The following KLF7 variants were observed in gnomAD, a reference collection of about 807,000 sequenced individuals.
KLF7 encodes Krueppel-like factor 7.
KLF7 carries 2 observed loss-of-function variants against 27.3 expected under a neutral mutation model. The ratio of observed to expected loss-of-function variants is 0.07; its 90% CI spans 0.03 to 0.23. KLF7 has a LOEUF of 0.23. KLF7 is among the 10% of genes least tolerant of loss of function. KLF7 has a pLI of 1.00. For synonymous variants in KLF7, 165 were observed against 162.4 expected, an observed-to-expected ratio of 1.02 and a Z score of -0.12; for missense variants, 221 against 394.1, an observed-to-expected ratio of 0.56 and a Z score of 3.72.
In KLF7 at chr2:207,153,295, A is replaced by C. The variant is rs189866254; in HGVS notation, c.102+12172T>G. ...TTAAGAACAAATTAAATTATCATCT[A>C]GTTAAACACAAAGCTAGTGAGAACT... On this transcript the variant is annotated intron_variant, in intron 1 of 3. Transcript: ENST00000309446. Among the ~76,000 whole-genome samples, 22 of 152,352 alleles carry C rather than the reference A, an allele frequency of 1.4e-4. 1 individual carries two copies. Among genetic ancestry groups the C allele is most frequent in the Admixed American group, 5.2e-4 (8 of 15,304 alleles).
intron 1 of KLF7, among the ~76,000 whole-genome samples, chr2:207,158,691 A>G (rs2106133037): frequency 6.6e-6 from 1 of 152,352 alleles, no homozygotes; most frequent in South Asian, 2.1e-4. Flanking sequence ...TTTAGCACAC[A>G]TTAAAAGTGG....
intron 2 of KLF7, among the ~76,000 whole-genome samples, chr2:207,117,240 A>C (rs2077211357): frequency 6.6e-6 from 1 of 152,252 alleles, no homozygotes; most frequent in African/African-American, 2.4e-5. Context: ...ATATGTTTAC[A>C]TTAATTTATC....
chr2:207,166,890 G>C, upstream of KLF7: 1 of 1,073,538 alleles, frequency 9.3e-7, no homozygotes. Flanking sequence ...GCGAGACCGC[G>C]GCCTGCGCCC....
Position 207,124,304 on chromosome 2 carries a change from G to A in KLF7, c.203C>T (p.Pro68Leu). ...GCGACGGAAGCTTTCCTCAATGCAC[G>A]GGGGAGGGGAAGCGTGGAGGAAACA... Reference protein sequence around the residue: ...LDCFLHASPPPCIEESFRRLD... With the variant: ...LDCFLHASPPLCIEESFRRLD... The change falls in exon 2 of 4, where the codon CCG becomes CTG. Residue 68 changes from proline (P) to leucine (L), a missense_variant. Coordinates refer to ENST00000309446, the MANE Select transcript of KLF7 (RefSeq NM_003709.4). The A allele has an allele frequency of 5.6e-6, 9 of 1,613,546 alleles. No homozygotes were observed. The highest frequency in any genetic ancestry group is 1.3e-5 in the African/African-American group (1 of 74,994).
At position 207,165,596 on chromosome 2, in the gene KLF7, C is replaced by A. The variant is rs760976128; in HGVS notation, c.-28G>T. ...TGCTGCTGCCGGGCAAAACGGGAGG[C>A]GAAACCCTCCCCCGAACACAGTTGG... On this transcript the variant is annotated 5_prime_UTR_variant, in exon 1 of 4. Coordinates refer to ENST00000309446, the MANE Select transcript of KLF7 (RefSeq NM_003709.4). 7 of 1,612,168 alleles carry A rather than the reference C, an allele frequency of 4.3e-6. No individual in the cohort carries two copies. In the South Asian group the frequency reaches 7.7e-5, roughly 18 times the overall value.
intron 3 of KLF7, among the ~76,000 whole-genome samples, chr2:207,086,733 A>G (rs2076397966): frequency 6.6e-6 from 1 of 152,248 alleles, no homozygotes; most frequent in Non-Finnish European, 1.5e-5. Flanking sequence ...AGAGTGGAAT[A>G]CTAACTTTGG....
At chr2:207,138,985 C>T (rs954157003) in intron 1 of KLF7, among the ~76,000 whole-genome samples, 2 of 152,274 alleles carry the variant, frequency 1.3e-5, no homozygotes, top group African/African-American at 2.4e-5. Context: ...ATGAAAATGG[C>T]GCCTACACTA....
At position 207,151,230 on chromosome 2, in the gene KLF7, C is replaced by A. The variant is rs965656521; in HGVS notation, c.102+14237G>T. Among the ~76,000 whole-genome samples, 5 of 152,114 alleles carry A rather than the reference C, an allele frequency of 3.3e-5. No homozygotes were observed. The East Asian group carries it at 9.6e-4, about 29-fold the overall frequency. On this transcript the variant is annotated intron_variant, in intron 1 of 3. Coordinates refer to ENST00000309446, the MANE Select transcript of KLF7 (RefSeq NM_003709.4). The stretch of plus-strand genomic sequence containing the variant: ...TGAAGCCCTGTGGAACTCAGCCCAC[C>A]CTTCGAGAAGCAGTTCCCTCAGCCA...
chr2:207,152,288 CACACACACACACACACACACACG>C (rs1380582095), intron 1 of KLF7, among the ~76,000 whole-genome samples: 1 of 10,190 alleles, frequency 9.8e-5, no homozygotes, highest in Non-Finnish European at 8.2e-3. Context: ...CACACACACA[CACACACACACACACACACACACG>C]GAGTTTTTAC....
intron 1 of KLF7, among the ~76,000 whole-genome samples, chr2:207,126,064 T>C (rs1193543151): frequency 6.6e-6 from 1 of 152,214 alleles, no homozygotes; most frequent in African/African-American, 2.4e-5. Flanking sequence ...GATTAAATAA[T>C]AGCTCTGACT....
intron 2 of KLF7, among the ~76,000 whole-genome samples, chr2:207,096,134 C>A (rs1213597310): frequency 6.6e-6 from 1 of 152,164 alleles, no homozygotes; most frequent in African/African-American, 2.4e-5. Context: ...GTGGTAGAAG[C>A]ACTCTCCCAG....
At chr2:207,157,001 G>C (rs1369407841) in intron 1 of KLF7, among the ~76,000 whole-genome samples, 4 of 152,022 alleles carry the variant, frequency 2.6e-5, no homozygotes, top group Non-Finnish European at 5.9e-5. Context: ...TGATTTTATT[G>C]GTCTGGGGTG....
At chr2:207,133,823 T>C (rs1474984757) in intron 1 of KLF7, among the ~76,000 whole-genome samples, 1 of 152,096 alleles carries the variant, frequency 6.6e-6, no homozygotes, top group African/African-American at 2.4e-5. Context: ...ACAAAAATTT[T>C]AAACTCACCA....
At chr2:207,170,665 A>T (rs534812348), upstream of KLF7, among the ~76,000 whole-genome samples, 1 of 152,286 alleles carries the variant, frequency 6.6e-6, no homozygotes, top group East Asian at 1.9e-4. Context: ...GGCCCTTAAG[A>T]ATTATACTAC....
chr2:207,115,577 G>T (rs58785926), intron 2 of KLF7, among the ~76,000 whole-genome samples: 1 of 152,018 alleles, frequency 6.6e-6, no homozygotes, highest in South Asian at 2.1e-4. Context: ...ATCTTGCCTC[G>T]ACCAACATTT....
At chr2:207,141,293 C>T (rs1313403308) in intron 1 of KLF7, among the ~76,000 whole-genome samples, 1 of 152,142 alleles carries the variant, frequency 6.6e-6, no homozygotes, top group Non-Finnish European at 1.5e-5. Flanking sequence ...TGCTCAGTCT[C>T]CTAGACAAGG....
intron 2 of KLF7, among the ~76,000 whole-genome samples, chr2:207,113,607 TGG>T (rs532527898): frequency 0.05 from 3,198 of 64,496 alleles, 90 homozygotes; most frequent in African/African-American, 0.15. Flanking sequence ...GAATGGGGGG[TGG>T]GGGGGGGGGG....
chr2:207,167,230 A>G (rs1410589120), upstream of KLF7: 3 of 1,161,842 alleles, frequency 2.6e-6, no homozygotes, highest in Non-Finnish European at 3.4e-6. Flanking sequence ...GTAGACATAG[A>G]GAGATCTGTT....
At chr2:207,083,314 GCCTTCTTTCTT>G (rs903940483) in intron 3 of KLF7, among the ~76,000 whole-genome samples, 1 of 151,896 alleles carries the variant, frequency 6.6e-6, no homozygotes, top group African/African-American at 2.4e-5. Context: ...CTTTCTCCCT[GCCTTCTTTCTT>G]CCTTCTTTTT....
Sources: gnomAD v4.1 joint callset for allele counts (sites outside exome capture counted in the v4.1 genomes callset) on GRCh38, gnomAD v4.1.1 for gene constraint, MANE v1.5 for transcripts, NCBI Gene and HGNC (gene_info 2026-07-23, HGNC 2026-07-21) for gene names.